ARHGAP25: variants seen among roughly 807,000 people sequenced by gnomAD.
ARHGAP25 encodes the protein Rho GTPase activating protein 25.
Under a neutral mutation model 71.0 loss-of-function variants are expected in ARHGAP25, and 34 were observed. That is an observed-to-expected ratio of 0.48 (90% CI 0.36 to 0.64). The LOEUF is 0.64. Among genes scored for constraint, ARHGAP25 ranks in the 30% least tolerant of loss-of-function variants. The probability of loss-of-function intolerance (pLI) is 0.00; values close to 1 mark genes in which losing one functional copy is unlikely to be tolerated. For missense variants in ARHGAP25, 706 were observed against 805.1 expected (o/e 0.88, Z 1.49); for synonymous variants, 282 against 296.5 (o/e 0.95, Z 0.50).
Position 68,767,602 on chromosome 2 carries a change from C to A in ARHGAP25, c.62-7619C>A, listed in dbSNP as rs1677208622. Among the ~76,000 whole-genome samples the A allele has an allele frequency of 2.0e-5, 3 of 152,170 alleles. No homozygotes were observed. ...CCGGCCCACGGTAGCTTAGCTCACT[C>A]TCTCTCCCTCCCATGCCTCGGCCAC... On this transcript the variant is annotated intron_variant, in intron 1 of 10. Transcript: ENST00000409202. The surrounding 1 kb of genome is among the most constrained non-coding windows in gnomAD (Gnocchi z 4.6).
chr2:68,817,474 C>T lies in ARHGAP25; in HGVS notation c.882-399C>T, dbSNP rs148343897. Among the ~76,000 whole-genome samples, 453 of 152,262 alleles carry T rather than the reference C, an allele frequency of 3.0e-3. 4 individuals carry two copies. The highest frequency in any genetic ancestry group is 5.2e-3 in the Non-Finnish European group (354 of 68,010). ...ATTCCCCAGGCCTGAGATCTTCTTA[C>T]CAATAAAGTTTTCCTCTCTGGAGAC... is the stretch of plus-strand genomic sequence containing the variant. On this transcript the variant is annotated intron_variant, in intron 7 of 10. Transcript: ENST00000409202.
chr2:68,819,464 C>T (rs1681478451), intron 9 of ARHGAP25, 145 bp downstream of exon 9: 1 of 823,062 alleles, frequency 1.2e-6, no homozygotes, highest in Admixed American at 2.0e-5. Context: ...CTCATCTGAA[C>T]ACACCTTGAA....
chr2:68,762,390 T>G (rs1282968314), intron 1 of ARHGAP25, among the ~76,000 whole-genome samples: 1 of 152,100 alleles, frequency 6.6e-6, no homozygotes, highest in African/African-American at 2.4e-5. Flanking sequence ...TTTATGTGTG[T>G]TTTACTGGAA....
intron 1 of ARHGAP25, among the ~76,000 whole-genome samples, chr2:68,746,348 A>G (rs1675811621): frequency 6.6e-6 from 1 of 152,070 alleles, no homozygotes; most frequent in African/African-American, 2.4e-5. Flanking sequence ...CCTCCATTGG[A>G]AACATGTATT....
At chr2:68,733,479 G>A (rs1675079759), upstream of ARHGAP25, among the ~76,000 whole-genome samples, 2 of 152,152 alleles carry the variant, frequency 1.3e-5, no homozygotes, top group South Asian at 4.1e-4. Context: ...GGGGGTGGTG[G>A]CATCCAGAGA....
chr2:68,754,411 T>C (rs1676359809), intron 1 of ARHGAP25, among the ~76,000 whole-genome samples: 1 of 152,380 alleles, frequency 6.6e-6, no homozygotes, highest in Non-Finnish European at 1.5e-5. Flanking sequence ...TCACCCATGT[T>C]ATGACTTGTA....
chr2:68,809,800 C>A (rs758626841), intron 5 of ARHGAP25, among the ~76,000 whole-genome samples: 3 of 152,118 alleles, frequency 2.0e-5, no homozygotes, highest in Non-Finnish European at 4.4e-5. Context: ...CCCCAAGATG[C>A]CCCCATTACC....
intron 1 of ARHGAP25, among the ~76,000 whole-genome samples, chr2:68,770,355 T>C (rs1677406129): frequency 6.6e-6 from 1 of 152,206 alleles, no homozygotes; most frequent in South Asian, 2.1e-4. Context: ...GTTCCCAAAC[T>C]AATGCACAGC....
chr2:68,809,380 C>G (rs1680613447), intron 5 of ARHGAP25, among the ~76,000 whole-genome samples: 1 of 152,118 alleles, frequency 6.6e-6, no homozygotes. Context: ...ATTGACAAAA[C>G]CAATAACTCA....
upstream of ARHGAP25, among the ~76,000 whole-genome samples, chr2:68,732,697 G>A (rs1332193280): frequency 2.6e-5 from 4 of 152,216 alleles, no homozygotes; most frequent in African/African-American, 4.8e-5. Context: ...GCTGAGGACT[G>A]GGTGTACTTC....
rs111708445 is a variant in ARHGAP25, at chr2:68,751,802, T to A, written c.61+16542T>A. Among the ~76,000 whole-genome samples the A allele has an allele frequency of 9.0e-3, 1,366 of 152,318 alleles. 20 individuals are homozygous for A. Among genetic ancestry groups the A allele is most frequent in the African/African-American group, 0.031 (1,298 of 41,556 alleles). On this transcript the variant is annotated intron_variant, in intron 1 of 10. Coordinates refer to ENST00000409202, the MANE Select transcript of ARHGAP25 (RefSeq NM_001007231.3). Reference sequence around the variant, plus strand: ...AATTAGTCTTCCTGGTCTGGACCAATCCAAGAGCGACAGCTAACCGGGAAA... The same window carrying A: ...AATTAGTCTTCCTGGTCTGGACCAAACCAAGAGCGACAGCTAACCGGGAAA...
intron 2 of ARHGAP25, among the ~76,000 whole-genome samples, chr2:68,728,931 G>A (rs962810383): frequency 3.3e-5 from 5 of 152,142 alleles, no homozygotes; most frequent in Non-Finnish European, 5.9e-5. Context: ...AAGAAATAAA[G>A]TTCTGATACA....
chr2:68,824,732 A>G (rs920548228), intron 10 of ARHGAP25, among the ~76,000 whole-genome samples: 1 of 151,532 alleles, frequency 6.6e-6, no homozygotes, highest in Non-Finnish European at 1.5e-5. Flanking sequence ...ACAGAGCGAG[A>G]CTCCGTCTCA....
intron 4 of ARHGAP25, among the ~76,000 whole-genome samples, chr2:68,806,643 G>A (rs532535389): frequency 3.3e-5 from 5 of 152,346 alleles, no homozygotes; most frequent in South Asian, 2.1e-4. Flanking sequence ...GCGGGACCGC[G>A]AGAGATTTCA....
At chr2:68,798,081 G>A (rs1053951456) in intron 4 of ARHGAP25, among the ~76,000 whole-genome samples, 1 of 152,226 alleles carries the variant, frequency 6.6e-6, no homozygotes, top group Non-Finnish European at 1.5e-5. Context: ...TACTGGAAAT[G>A]CTTGTAGTCA....
intron 2 of ARHGAP25, among the ~76,000 whole-genome samples, chr2:68,777,072 A>C (rs900716401): frequency 1.3e-5 from 2 of 152,150 alleles, no homozygotes; most frequent in African/African-American, 4.8e-5. Flanking sequence ...TGTTCTGTGC[A>C]TGGTAACCAG....
intron 2 of ARHGAP25, among the ~76,000 whole-genome samples, chr2:68,779,555 GT>G (rs893282012): frequency 6.6e-6 from 1 of 152,186 alleles, no homozygotes; most frequent in Non-Finnish European, 1.5e-5. Flanking sequence ...TTAACAAGGA[GT>G]TGGGCTAAAA....
At chr2:68,758,407 G>A (rs1033674935) in intron 1 of ARHGAP25, among the ~76,000 whole-genome samples, 4 of 151,876 alleles carry the variant, frequency 2.6e-5, no homozygotes, top group Middle Eastern at 3.2e-3. Flanking sequence ...TGAAAGTGAA[G>A]ATAGAGAAGG....
rs376925990 is a variant in ARHGAP25 at position 68,826,106 on chromosome 2, G to A, written c.1853G>A (p.Arg618Gln). The change falls in exon 11 of 11, where the codon CGG becomes CAG. Residue 618 changes from arginine to glutamine, a missense_variant. Arg to Gln is a conservative substitution (Grantham distance 43, BLOSUM62 1). Coordinates refer to ENST00000409202, the MANE Select transcript of ARHGAP25 (RefSeq NM_001007231.3). ...EISLRNMERS[R>Q]EDVEKRNKAL... The stretch of plus-strand genomic sequence containing the variant: ...AGCCTCCGCAACATGGAGCGCTCCC[G>A]GGAGGATGTTGAGAAGAGGAACAAG... 2.5e-5 allele frequency: 40 copies of A among 1,613,932 alleles called. No individual in the cohort carries two copies. Among genetic ancestry groups the A allele is most frequent in the South Asian group, 9.9e-5 (9 of 91,066 alleles).
Sources: allele counts gnomAD v4.1 joint callset (sites outside exome capture counted in the v4.1 genomes callset), GRCh38; gene constraint gnomAD v4.1.1; non-coding constraint Gnocchi (gnomAD v3.1); transcripts MANE v1.5; gene names NCBI Gene and HGNC (gene_info 2026-07-23, HGNC 2026-07-21).